LCT: variants seen among roughly 807,000 people sequenced by gnomAD.
The protein encoded by LCT is lactase/phlorizin hydrolase.
In LCT, 90 loss-of-function variants were observed where a neutral mutation model predicts 173.0. That is an observed-to-expected ratio of 0.52 (90% CI 0.44 to 0.62). LCT has a LOEUF of 0.62. Ranked by LOEUF, LCT falls within the 20% of genes least tolerant of loss-of-function variation. The pLI is 0.00. For missense variants in LCT, 1,864 were observed against 2,431.4 expected (o/e 0.77, Z 4.91); for synonymous variants, 853 against 957.6 (o/e 0.89, Z 2.02).
rs1460492191 is a variant in LCT at position 135,812,504 on chromosome 2, G to A, written c.2160C>T (p.Thr720=). The part of the protein sequence containing the change: ...SQHVNHVWPQ[T]SSSWIRVVPW... Reference sequence around the variant, plus strand: ...GCACCACACGAATCCAAGAGGATGAGGTCTGGGGCCACACATGGTTCACGT... The same window carrying A: ...GCACCACACGAATCCAAGAGGATGAAGTCTGGGGCCACACATGGTTCACGT... The change falls in exon 7 of 17, where the codon ACC becomes ACT. Residue 720 remains threonine, a synonymous_variant. Coordinates refer to ENST00000264162, the MANE Select transcript of LCT (RefSeq NM_002299.4). 1 of 1,614,074 alleles carries A rather than the reference G, an allele frequency of 6.2e-7. No homozygotes were observed. The highest frequency in any genetic ancestry group is 1.3e-5 in the African/African-American group (1 of 74,940).
rs1261476069 is a variant in LCT, at chr2:135,809,364, G to A, written c.2983C>T (p.His995Tyr). The A allele has an allele frequency of 3.1e-6, 5 of 1,614,174 alleles. No individual in the cohort carries two copies. Among genetic ancestry groups the A allele is most frequent in the African/African-American group, 2.7e-5 (2 of 75,050 alleles). ...PTGRNSSINS[H>Y]GVDYYNRLIN... is the part of the protein sequence containing the mutation. ...AGCCTGTTGTAATAATCAACCCCAT[G>A]ACTGTTGATAGAGCTGTTTCTCCCA... Residue 995 changes from histidine to tyrosine, a missense_variant, in exon 8 of 17, where the codon CAT (histidine) becomes TAT (tyrosine). Around this residue, in one of 4 missense-constraint regions of LCT, gnomAD observed 755 missense variants for 926.3 expected, o/e 0.82. Transcript: ENST00000264162. This position sits in a 1 kb window ranked among gnomAD's most constrained non-coding sequence, Gnocchi z 5.5.
intron 5 of LCT, among the ~76,000 whole-genome samples, chr2:135,820,861 C>A (rs946342825): frequency 1.3e-5 from 2 of 151,958 alleles, no homozygotes; most frequent in Non-Finnish European, 2.9e-5. Flanking sequence ...TAATTATGGG[C>A]ACAACCTCAA....
rs757870574 is a variant in LCT at position 135,823,991 on chromosome 2, T to C, written c.817A>G (p.Lys273Glu). ...AGGTTGAAGATGAAAACTTTCACTTTTGGCTCAATGGTCTGAAAAAGAGAA... is the reference window on the plus strand; with the variant it reads ...AGGTTGAAGATGAAAACTTTCACTTCTGGCTCAATGGTCTGAAAAAGAGAA... ...KLSKLQTIEPKVKVFIFNLKL... is the reference protein window; with the variant it reads ...KLSKLQTIEPEVKVFIFNLKL... The change falls in exon 4 of 17, where the codon AAA becomes GAA. Residue 273 changes from lysine (K) to glutamate (E), a missense_variant. By Grantham distance (56) the Lys-to-Glu change is moderately conservative. Around this residue, in one of 4 missense-constraint regions of LCT, gnomAD observed 412 missense variants for 462.0 expected, o/e 0.89. Coordinates refer to ENST00000264162, the MANE Select transcript of LCT (RefSeq NM_002299.4). The C allele has an allele frequency of 2.5e-6, 4 of 1,613,144 alleles. No individual in the cohort carries two copies. The Admixed American group carries it at 5.0e-5, about 20-fold the overall frequency.
At chr2:135,813,707 C>G (rs1663662936) in intron 6 of LCT, among the ~76,000 whole-genome samples, 1 of 152,242 alleles carries the variant, frequency 6.6e-6, no homozygotes, top group Non-Finnish European at 1.5e-5. Flanking sequence ...CACTGCTATT[C>G]TGCCTCTGTC....
chr2:135,831,927 A>G (rs1481044568), intron 2 of LCT, among the ~76,000 whole-genome samples: 1 of 152,204 alleles, frequency 6.6e-6, no homozygotes, highest in Non-Finnish European at 1.5e-5. Flanking sequence ...TTTAAAAATT[A>G]TAGTTAAAGG....
At chr2:135,795,408 C>A (rs957967668) in intron 13 of LCT, among the ~76,000 whole-genome samples, 2 of 151,940 alleles carry the variant, frequency 1.3e-5, no homozygotes, top group African/African-American at 4.8e-5. Context: ...GGGGTTTCAC[C>A]ATGTTGGCCA....
intron 13 of LCT, among the ~76,000 whole-genome samples, chr2:135,796,235 C>T (rs1338619666): frequency 6.6e-6 from 1 of 152,224 alleles, no homozygotes; most frequent in Admixed American, 6.5e-5. Flanking sequence ...CTGCTGAGGC[C>T]TCTGACACTT....
chr2:135,794,560 G>C (rs1473995225), intron 14 of LCT, 81 bp downstream of exon 14: 1 of 1,470,770 alleles, frequency 6.8e-7, no homozygotes, highest in East Asian at 2.3e-5. Context: ...TTTGAGGCTG[G>C]GCAGGCCTCA....
Position 135,804,751 on chromosome 2 carries a change from C to A in LCT, c.4464+16G>T. The A allele has an allele frequency of 6.2e-7, 1 of 1,612,036 alleles. No individual in the cohort carries two copies. The highest frequency in any genetic ancestry group is 8.5e-7 in the Non-Finnish European group (1 of 1,179,706). On this transcript the variant is annotated intron_variant, in intron 10 of 16. Coordinates refer to ENST00000264162, the MANE Select transcript of LCT (RefSeq NM_002299.4). ...GCATGTGGACTTTCCCAAGGCCTTG[C>A]CAGGACCCACCATACCTGGGGCTGG...
chr2:135,793,090 C>G (rs2077545900), intron 14 of LCT, among the ~76,000 whole-genome samples: 1 of 152,228 alleles, frequency 6.6e-6, no homozygotes, highest in African/African-American at 2.4e-5. Flanking sequence ...ATTCCACTGC[C>G]TGCAACATCC....
chr2:135,798,129 C>T lies in LCT; in HGVS notation c.4876G>A (p.Gly1626Ser). 6.3e-7 allele frequency: 1 copy of T among 1,580,800 alleles called. No individual in the cohort carries two copies. The highest frequency in any genetic ancestry group is 8.7e-7 in the Non-Finnish European group (1 of 1,148,786). The change falls in exon 13 of 17, where the codon GGC (glycine) becomes AGC (serine). Residue 1626 changes from glycine to serine, a missense_variant. Around this residue, in one of 4 missense-constraint regions of LCT, gnomAD observed 514 missense variants for 750.1 expected, o/e 0.69. Coordinates refer to ENST00000264162, the MANE Select transcript of LCT (RefSeq NM_002299.4). ...TTGAAAATAGGATGTGCAAACCAGC[C>T]TCCCATGAACTGCGGGTAGGGTGGG... ...AARRYVQFMG[G>S]WFAHPIFKNG...
At chr2:135,802,176 G>A (rs1277934088) in intron 11 of LCT, among the ~76,000 whole-genome samples, 4 of 152,160 alleles carry the variant, frequency 2.6e-5, no homozygotes, top group African/African-American at 9.7e-5. Flanking sequence ...AACGATTTGA[G>A]GCACATCTCC....
chr2:135,796,563 A>T, intron 13 of LCT, among the ~76,000 whole-genome samples: 1 of 152,142 alleles, frequency 6.6e-6, no homozygotes, highest in African/African-American at 2.4e-5. Context: ...AATCCCCCAC[A>T]TTCTATCCCC....
In LCT at chr2:135,809,721, C is replaced by T; in HGVS notation, c.2626G>A (p.Val876Met). 1 of 1,614,218 alleles carries T rather than the reference C, an allele frequency of 6.2e-7. No homozygotes were observed. Among genetic ancestry groups the T allele is most frequent in the Non-Finnish European group, 8.5e-7 (1 of 1,180,044 alleles). Residue 876 changes from valine (V) to methionine (M), a missense_variant, in exon 8 of 17, where the codon GTG (valine) becomes ATG (methionine). Physicochemically the swap from Val to Met is conservative, Grantham distance 21. This residue lies in a region of LCT where 755 missense variants were observed against 926.3 expected (regional missense o/e 0.82). Coordinates refer to ENST00000264162, the MANE Select transcript of LCT (RefSeq NM_002299.4). The surrounding 1 kb of genome is among the most constrained non-coding windows in gnomAD (Gnocchi z 5.5). ...KVRAFTFPSE[V>M]PSKAKVVWEK... ...CAAACGACTTTAGCCTTGGAGGGCA[C>T]CTCAGATGGAAAAGTGAAGGCTCTG...
chr2:135,828,694 T>C (rs1187308627), intron 3 of LCT, among the ~76,000 whole-genome samples: 1 of 152,130 alleles, frequency 6.6e-6, no homozygotes, highest in Non-Finnish European at 1.5e-5. Context: ...TGACCAAGCC[T>C]AAGAGAGAAA....
In LCT at chr2:135,803,998, A is replaced by G; in HGVS notation, c.4595T>C (p.Phe1532Ser). Residue 1532 changes from phenylalanine (F) to serine (S), a missense_variant, in exon 11 of 17, where the codon TTT becomes TCT. Phe to Ser is a radical substitution (Grantham distance 155, BLOSUM62 -2). Coordinates refer to ENST00000264162, the MANE Select transcript of LCT (RefSeq NM_002299.4). ...AAAGGGCTCATTCAGCGTGATCCAA[A>G]ACTTCACCTTGTCTCCCAGCCTCTG... is the stretch of plus-strand genomic sequence containing the variant. ...LFQRLGDKVK[F>S]WITLNEPFVI... 1 of 1,614,130 alleles carries G rather than the reference A, an allele frequency of 6.2e-7. No homozygotes were observed. The highest frequency in any genetic ancestry group is 1.3e-5 in the African/African-American group (1 of 75,024).
chr2:135,819,335 A>C (rs906894973), intron 5 of LCT, among the ~76,000 whole-genome samples: 2 of 151,602 alleles, frequency 1.3e-5, no homozygotes, highest in African/African-American at 4.9e-5. Context: ...TGTGATTGCC[A>C]ACTTCTAAAT....
chr2:135,808,398 G>T, intron 8 of LCT, 45 bp downstream of exon 8: 2 of 1,453,260 alleles, frequency 1.4e-6, no homozygotes, highest in Non-Finnish European at 1.9e-6. Context: ...TATGACCCAG[G>T]GAATGTTGGA....
intron 6 of LCT, among the ~76,000 whole-genome samples, chr2:135,816,071 A>T (rs1044720876): frequency 6.6e-6 from 1 of 152,246 alleles, no homozygotes; most frequent in African/African-American, 2.4e-5. Context: ...GTCCATCCTG[A>T]AGAACGCTGC....
Sources: allele counts gnomAD v4.1 joint callset (sites outside exome capture counted in the v4.1 genomes callset), GRCh38; gene constraint gnomAD v4.1.1; regional missense constraint gnomAD v4.1.1; non-coding constraint Gnocchi (gnomAD v3.1); transcripts MANE v1.5; gene names NCBI Gene and HGNC (gene_info 2026-07-23, HGNC 2026-07-21).